Variants in RGS7 observed in about 807,000 individuals in gnomAD.
RGS7 encodes the protein regulator of G protein signaling 7.
In RGS7, 27 loss-of-function variants were observed where a neutral mutation model predicts 81.1. That is an observed-to-expected ratio of 0.33 (90% CI 0.25 to 0.46). The LOEUF (loss-of-function observed/expected upper bound fraction) is 0.46, where lower values mean the gene tolerates loss of function less well. RGS7 is among the 20% of genes least tolerant of loss of function. The pLI, the probability that RGS7 is intolerant of heterozygous loss-of-function variation, is 1.00. For synonymous variants in RGS7, 208 were observed against 207.7 expected (o/e 1.00, Z -0.01); for missense variants, 396 against 607.4 (o/e 0.65, Z 3.66).
chr1:241,282,406 G>T (rs2148406181), intron 2 of RGS7, among the ~76,000 whole-genome samples: 1 of 152,274 alleles, frequency 6.6e-6, no homozygotes, highest in South Asian at 2.1e-4. Flanking sequence ...TTTTGGATGT[G>T]TATCTTGGGT....
At chr1:241,270,761 C>CGT in intron 2 of RGS7, among the ~76,000 whole-genome samples, 1 of 148,906 alleles carries the variant, frequency 6.7e-6, no homozygotes, top group Non-Finnish European at 1.5e-5. Flanking sequence ...ACCCCCCCCC[C>CGT]TTTTTTTTTT....
chr1:240,934,666 C>G lies in RGS7; in HGVS notation c.333+1934G>C, dbSNP rs988144165. Among the ~76,000 whole-genome samples the G allele has an allele frequency of 3.9e-5, 6 of 152,156 alleles. No individual in the cohort carries two copies. In the South Asian group the frequency reaches 1.2e-3, roughly 32 times the overall value. ...AATATGTAACATTTACTATTTAGCA[C>G]TAATGTAATTTTAATGTGTATATGT... is the stretch of plus-strand genomic sequence containing the variant. On this transcript the variant is annotated intron_variant, in intron 5 of 18. Coordinates refer to ENST00000440928, the MANE Select transcript of RGS7 (RefSeq NM_001364886.1).
At chr1:241,348,370 A>AG (rs2083037343) in intron 2 of RGS7, among the ~76,000 whole-genome samples, 1 of 152,134 alleles carries the variant, frequency 6.6e-6, no homozygotes, top group Admixed American at 6.5e-5. Flanking sequence ...TACAGGTCAG[A>AG]GAAAAAAAAG....
intron 2 of RGS7, among the ~76,000 whole-genome samples, chr1:241,194,921 A>C (rs2072952416): frequency 6.6e-6 from 1 of 152,226 alleles, no homozygotes; most frequent in South Asian, 2.1e-4. Context: ...ATAAAGACTT[A>C]GGATATCACT....
intron 2 of RGS7, among the ~76,000 whole-genome samples, chr1:241,245,128 C>T (rs12127616): frequency 0.079 from 12,027 of 152,122 alleles, 643 homozygotes; most frequent in Middle Eastern, 0.16. Flanking sequence ...GAAAGTTGGA[C>T]TTAAGAACTG....
At chr1:240,782,392 A>G (rs1364207624) in intron 18 of RGS7, among the ~76,000 whole-genome samples, 1 of 152,150 alleles carries the variant, frequency 6.6e-6, no homozygotes, top group Non-Finnish European at 1.5e-5. Context: ...ATTTTTCCAA[A>G]TTGAAGAATC....
rs138972916 is a variant in RGS7 at position 241,282,454 on chromosome 1, G to A, written c.78+73245C>T. Among the ~76,000 whole-genome samples the A allele has an allele frequency of 1.5e-3, 236 of 152,288 alleles. 2 individuals carry two copies. Among genetic ancestry groups the A allele is most frequent in the African/African-American group, 4.7e-3 (194 of 41,564 alleles). ...TTCCGTGACCTTGCTGGACTCATTC[G>A]TTAGTTCTAAGAGTTTTTATGTATA... is the stretch of plus-strand genomic sequence containing the variant. On this transcript the variant is annotated intron_variant, in intron 2 of 18. Coordinates refer to ENST00000440928, the MANE Select transcript of RGS7 (RefSeq NM_001364886.1).
chr1:241,235,637 CTT>C (rs1052559099), intron 2 of RGS7, among the ~76,000 whole-genome samples: 1 of 97,770 alleles, frequency 1.0e-5, no homozygotes, highest in Non-Finnish European at 2.2e-5. Flanking sequence ...TCTCTTTTTT[CTT>C]TTTTCTCATT....
At chr1:241,108,157 A>T (rs536773422) in intron 2 of RGS7, among the ~76,000 whole-genome samples, 1 of 152,186 alleles carries the variant, frequency 6.6e-6, no homozygotes, top group Admixed American at 6.5e-5. Context: ...TACAAAAAGT[A>T]GCTGGGCGTA....
chr1:240,988,967 T>C (rs751011712), intron 3 of RGS7, among the ~76,000 whole-genome samples: 11 of 152,098 alleles, frequency 7.2e-5, no homozygotes, highest in African/African-American at 2.4e-4. Flanking sequence ...AGAACCCTCA[T>C]AGGTCAAGAT....
At chr1:240,934,876 C>CTTTTTTGTTTT (rs1676328814) in intron 5 of RGS7, among the ~76,000 whole-genome samples, 1 of 67,154 alleles carries the variant, frequency 1.5e-5, no homozygotes, top group Non-Finnish European at 2.9e-5. Flanking sequence ...CTTCACATGG[C>CTTTTTTGTTTT]TTTTTTTTTT....
intron 9 of RGS7, among the ~76,000 whole-genome samples, chr1:240,836,721 AT>A (rs2147857002): frequency 6.6e-6 from 1 of 152,350 alleles, no homozygotes; most frequent in South Asian, 2.1e-4. Context: ...TGCCTGTATA[AT>A]CATTTGCCCT....
chr1:241,035,460 C>T (rs145781665), intron 3 of RGS7, among the ~76,000 whole-genome samples: 2 of 152,166 alleles, frequency 1.3e-5, no homozygotes, highest in Middle Eastern at 3.4e-3. Flanking sequence ...TGAAACATTT[C>T]GGAACTGGGA....
At chr1:241,230,959 T>G (rs1484935051) in intron 2 of RGS7, among the ~76,000 whole-genome samples, 1 of 152,232 alleles carries the variant, frequency 6.6e-6, no homozygotes, top group Non-Finnish European at 1.5e-5. Flanking sequence ...TTTCCTCATC[T>G]TTTCAAGTTT....
intron 2 of RGS7, among the ~76,000 whole-genome samples, chr1:241,267,034 T>G (rs1191819625): frequency 6.6e-6 from 1 of 152,154 alleles, no homozygotes; most frequent in Non-Finnish European, 1.5e-5. Flanking sequence ...AATCCGGAAA[T>G]CATTCAGATT....
intron 6 of RGS7, among the ~76,000 whole-genome samples, chr1:240,884,419 T>C (rs539686065): frequency 2.6e-4 from 39 of 152,306 alleles, no homozygotes; most frequent in African/African-American, 8.9e-4. Context: ...GGTAACTTTA[T>C]AAAACATTGC....
chr1:241,355,541 G>C (rs1164521863), intron 2 of RGS7, among the ~76,000 whole-genome samples, 158 bp downstream of exon 2: 1 of 152,148 alleles, frequency 6.6e-6, no homozygotes, highest in African/African-American at 2.4e-5. Context: ...TGCATCATTT[G>C]AGAATGTCAG....
chr1:241,214,987 C>T (rs2074463619), intron 2 of RGS7, among the ~76,000 whole-genome samples: 1 of 152,108 alleles, frequency 6.6e-6, no homozygotes, highest in Non-Finnish European at 1.5e-5. Context: ...ATTTAGAGTA[C>T]TTGTCTGCTA....
intron 4 of RGS7, among the ~76,000 whole-genome samples, chr1:240,977,021 T>C (rs1684209011): frequency 6.7e-6 from 1 of 148,640 alleles, no homozygotes; most frequent in South Asian, 2.1e-4. Context: ...ATCTCTATCA[T>C]TTATCTATCT....
Sources: gnomAD v4.1 joint callset for allele counts (sites outside exome capture counted in the v4.1 genomes callset) on GRCh38, gnomAD v4.1.1 for gene constraint, MANE v1.5 for transcripts, NCBI Gene and HGNC (gene_info 2026-07-23, HGNC 2026-07-21) for gene names.